Variants in ADCY9 observed in about 807,000 individuals in gnomAD.
ADCY9 encodes adenylate cyclase 9, also known as adenylate cyclase type 9.
In ADCY9, 50 loss-of-function variants were observed where a neutral mutation model predicts 101.5. That is an observed-to-expected ratio of 0.49 (90% CI 0.39 to 0.62). The LOEUF (loss-of-function observed/expected upper bound fraction) is 0.62, where lower values mean the gene tolerates loss of function less well. Among genes scored for constraint, ADCY9 ranks in the 20% least tolerant of loss-of-function variants. The pLI is 0.00. For synonymous variants in ADCY9, 905 were observed against 769.3 expected (o/e 1.18, Z -2.92); for missense variants, 1,662 against 1,800.4 (o/e 0.92, Z 1.39).
At chr16:4,026,543 ATGTTTG>A (rs1309229844) in intron 2 of ADCY9, among the ~76,000 whole-genome samples, 17 of 152,180 alleles carry the variant, frequency 1.1e-4, no homozygotes, top group Non-Finnish European at 2.2e-4. Context: ...CTGTACGCAA[ATGTTTG>A]TAGCGGCACT....
intron 2 of ADCY9, among the ~76,000 whole-genome samples, chr16:4,080,007 G>A (rs989868242): frequency 6.6e-6 from 1 of 152,004 alleles, no homozygotes; most frequent in Non-Finnish European, 1.5e-5. Context: ...ATTCCTTAAA[G>A]CTGCAGTATT....
intron 10 of ADCY9, among the ~76,000 whole-genome samples, chr16:3,968,275 G>C (rs143511341): frequency 9.8e-4 from 149 of 152,106 alleles, no homozygotes; most frequent in African/African-American, 3.5e-3. Context: ...TGGGTTCACA[G>C]ACATGTGCCA....
intron 2 of ADCY9, among the ~76,000 whole-genome samples, chr16:4,101,012 G>T (rs1431503818): frequency 6.6e-6 from 1 of 152,164 alleles, no homozygotes; most frequent in Non-Finnish European, 1.5e-5. Flanking sequence ...CTTCTCTACT[G>T]ACAGGTATTA....
At chr16:4,057,779 G>C (rs1358584211) in intron 2 of ADCY9, among the ~76,000 whole-genome samples, 1 of 152,128 alleles carries the variant, frequency 6.6e-6, no homozygotes, top group Non-Finnish European at 1.5e-5. Flanking sequence ...CGATGTGTGA[G>C]CACTGTGGCC....
intron 9 of ADCY9, 137 bp from the exon 10 acceptor site, chr16:3,974,847 C>A (rs2056080993): frequency 3.1e-6 from 2 of 653,720 alleles, no homozygotes; most frequent in Non-Finnish European, 5.5e-6. Flanking sequence ...CCTGCTCCCA[C>A]CTCTTTCTTC....
At chr16:3,999,880 T>A (rs974970612) in intron 3 of ADCY9, among the ~76,000 whole-genome samples, 2 of 152,216 alleles carry the variant, frequency 1.3e-5, no homozygotes, top group African/African-American at 4.8e-5. Flanking sequence ...CACAAAGCTA[T>A]AAAATCGTTT....
At chr16:3,984,207 G>C (rs2056171004) in intron 6 of ADCY9, 1 of 152,276 alleles carries the variant, frequency 6.6e-6, no homozygotes, top group Non-Finnish European at 1.5e-5. Context: ...CCCTGCATCT[G>C]TAAGGCAGTT....
At position 4,076,284 on chromosome 16, in the gene ADCY9, T is replaced by C. The variant is rs542989577; in HGVS notation, c.1693+37466A>G. Among the ~76,000 whole-genome samples the C allele has an allele frequency of 1.1e-3, 162 of 152,276 alleles. 1 individual carries two copies. The highest frequency in any genetic ancestry group is 5.8e-3 in the Admixed American group (89 of 15,294). ...AGTTGCTAATCTGTGACATCTCTGT[T>C]AGAAAAGCTAACAAGAGCCTAAAAG... On this transcript the variant is annotated intron_variant, in intron 2 of 10. Coordinates refer to ENST00000294016, the MANE Select transcript of ADCY9 (RefSeq NM_001116.4).
chr16:4,018,504 C>T (rs1473856391), intron 2 of ADCY9, among the ~76,000 whole-genome samples: 3 of 152,074 alleles, frequency 2.0e-5, no homozygotes, highest in African/African-American at 4.8e-5. Flanking sequence ...TGAGCCACCG[C>T]GCCCGGCTGA....
chr16:3,993,575 C>T, intron 3 of ADCY9, 65 bp from the exon 4 acceptor site: 1 of 1,590,584 alleles, frequency 6.3e-7, no homozygotes, highest in Non-Finnish European at 8.6e-7. Flanking sequence ...TGAATTCAGG[C>T]AGGTCCGCTG....
intron 3 of ADCY9, among the ~76,000 whole-genome samples, chr16:4,000,182 G>A (rs547886373): frequency 9.2e-5 from 14 of 152,362 alleles, no homozygotes; most frequent in Non-Finnish European, 8.8e-5. Context: ...ATTTCCTGAG[G>A]TGTTCTTTGA....
chr16:4,092,346 C>T (rs1442520964), intron 2 of ADCY9, among the ~76,000 whole-genome samples: 1 of 152,110 alleles, frequency 6.6e-6, no homozygotes. Flanking sequence ...ACAGAACACA[C>T]CAAATTTCTA....
In ADCY9 at chr16:3,963,647, G is replaced by A. The variant is rs551413483; in HGVS notation, c.*2128C>T. ...GGCTTGATGGGGAAGAAGTGTGTGC[G>A]GAGAACTTTGCGGAGCATGTTCTGA... On this transcript the variant is annotated 3_prime_UTR_variant, in exon 11 of 11. Coordinates refer to ENST00000294016, the MANE Select transcript of ADCY9 (RefSeq NM_001116.4). 39 of 305,754 alleles carry A rather than the reference G, an allele frequency of 1.3e-4. No individual in the cohort carries two copies. The Admixed American group carries it at 1.5e-3, about 12-fold the overall frequency. The allele number at this position is 305,754 out of a possible 1,614,324, so 18.9% of individuals were successfully genotyped here.
At chr16:3,995,229 G>C (rs756880690) in intron 3 of ADCY9, among the ~76,000 whole-genome samples, 16 of 152,028 alleles carry the variant, frequency 1.1e-4, no homozygotes, top group Non-Finnish European at 1.9e-4. Context: ...GGAATTTGAG[G>C]CCAGCCTGGG....
chr16:3,992,805 G>C lies in ADCY9; in HGVS notation c.1990-442C>G, dbSNP rs941096572. ...AGGCAAGGTGGATGGAAACGGGCTC[G>C]TGTCGTGGGTGTCCCCCGTGGCTGT... is the stretch of plus-strand genomic sequence containing the variant. On this transcript the variant is annotated intron_variant, in intron 4 of 10. Transcript: ENST00000294016. This position sits in a 1 kb window ranked among gnomAD's most constrained non-coding sequence, Gnocchi z 4.2. Among the ~76,000 whole-genome samples the C allele has an allele frequency of 4.6e-5, 7 of 152,278 alleles. No homozygotes were observed. Among genetic ancestry groups the C allele is most frequent in the African/African-American group, 9.6e-5 (4 of 41,574 alleles).
chr16:4,081,169 C>T (rs183781189), intron 2 of ADCY9, among the ~76,000 whole-genome samples: 42 of 152,284 alleles, frequency 2.8e-4, no homozygotes, highest in African/African-American at 8.7e-4. Flanking sequence ...TCTCCCGCAG[C>T]GGGGCATTCC....
intron 2 of ADCY9, among the ~76,000 whole-genome samples, chr16:4,076,934 G>A (rs1437379320): frequency 2.0e-5 from 3 of 152,032 alleles, no homozygotes; most frequent in African/African-American, 4.8e-5. Flanking sequence ...AAAATTAGCC[G>A]GGCATGGTGG....
chr16:3,965,924 G>A lies in ADCY9; in HGVS notation c.3913C>T (p.His1305Tyr), dbSNP rs2055988517. Residue 1305 changes from histidine to tyrosine, a missense_variant, in exon 11 of 11, where the codon CAC becomes TAC. His to Tyr is a moderately conservative substitution (Grantham distance 83, BLOSUM62 2). Transcript: ENST00000294016. ...TTCCACGGTCTCTTGGGGGACAGGT[G>A]GGCATCCTTGGCCTGCGTGCTGCTG... ...SDSSTQAKDAHLSPKRPWKEP... is the reference protein window; with the variant it reads ...SDSSTQAKDAYLSPKRPWKEP... 2 of 1,614,042 alleles carry A rather than the reference G, an allele frequency of 1.2e-6. No individual in the cohort carries two copies. Among genetic ancestry groups the A allele is most frequent in the Non-Finnish European group, 1.7e-6 (2 of 1,180,048 alleles).
chr16:4,071,862 G>C (rs1597208070), intron 2 of ADCY9, among the ~76,000 whole-genome samples: 1 of 152,138 alleles, frequency 6.6e-6, no homozygotes, highest in Admixed American at 6.6e-5. Flanking sequence ...CCAGGCGGGA[G>C]TGCGGTGGTG....
Sources: allele counts gnomAD v4.1 joint callset (sites outside exome capture counted in the v4.1 genomes callset), GRCh38; gene constraint gnomAD v4.1.1; non-coding constraint Gnocchi (gnomAD v3.1); transcripts MANE v1.5; gene names NCBI Gene and HGNC (gene_info 2026-07-23, HGNC 2026-07-21).